The following PTPN9 variants were observed in gnomAD, a reference collection of about 807,000 sequenced individuals.
PTPN9 encodes protein tyrosine phosphatase non-receptor type 9.
A neutral mutation model predicts 69.8 loss-of-function variants in PTPN9; 26 were observed. The observed-to-expected ratio is 0.37, with a 90% CI of 0.27 to 0.52. The LOEUF is 0.52. PTPN9 is among the 20% of genes least tolerant of loss of function. The probability of loss-of-function intolerance (pLI) is 0.91; values close to 1 mark genes in which losing one functional copy is unlikely to be tolerated. For synonymous variants in PTPN9, 274 were observed against 272.5 expected, an observed-to-expected ratio of 1.01 and a Z score of -0.05; for missense variants, 549 against 740.3, an observed-to-expected ratio of 0.74 and a Z score of 3.00.
chr15:75,505,147 G>C (rs551199276), intron 7 of PTPN9, among the ~76,000 whole-genome samples: 2 of 151,424 alleles, frequency 1.3e-5, no homozygotes, highest in African/African-American at 4.9e-5. Flanking sequence ...CCTGTTGATC[G>C]GTGACCTTAC....
chr15:75,550,851 G>A lies in PTPN9; in HGVS notation c.64-23590C>T, dbSNP rs1057011320. The stretch of plus-strand genomic sequence containing the variant: ...TTTTTGTTGAGCAGGGTCTCACTGT[G>A]TTGGCCAGGCTGCTCTTGAACTAGG... On this transcript the variant is annotated intron_variant, in intron 1 of 12. Coordinates refer to ENST00000618819, the MANE Select transcript of PTPN9 (RefSeq NM_002833.4). 3.9e-5 allele frequency among the ~76,000 whole-genome samples: 6 copies of A among 152,074 alleles called. No homozygotes were observed. In the South Asian group the frequency reaches 1.0e-3, roughly 26 times the overall value.
chr15:75,530,530 TATA>T (rs1279385091), intron 1 of PTPN9, among the ~76,000 whole-genome samples: 17 of 56,432 alleles, frequency 3.0e-4, no homozygotes, highest in African/African-American at 6.7e-4. Flanking sequence ...TAATTTATTA[TATA>T]ATATTATTAT....
intron 1 of PTPN9, among the ~76,000 whole-genome samples, chr15:75,528,622 G>T (rs180925825): frequency 4.0e-4 from 61 of 151,804 alleles, no homozygotes; most frequent in African/African-American, 1.3e-3. Context: ...CTCAAACTCC[G>T]GGGCTCAAGC....
intron 1 of PTPN9, among the ~76,000 whole-genome samples, chr15:75,534,521 A>T (rs2074975024): frequency 6.6e-6 from 1 of 151,942 alleles, no homozygotes; most frequent in Non-Finnish European, 1.5e-5. Context: ...AAAAAAATTT[A>T]AAAATTAGCC....
intron 1 of PTPN9, among the ~76,000 whole-genome samples, chr15:75,537,922 G>A (rs1229578197): frequency 1.3e-5 from 2 of 151,570 alleles, no homozygotes; most frequent in East Asian, 3.9e-4. Flanking sequence ...AGCTGTGTGT[G>A]GTGGTGCCTG....
chr15:75,538,977 C>T (rs796218220), intron 1 of PTPN9, among the ~76,000 whole-genome samples: 3 of 151,456 alleles, frequency 2.0e-5, no homozygotes, highest in African/African-American at 4.8e-5. Flanking sequence ...CCAGACCAGC[C>T]TAGGCAACAA....
intron 9 of PTPN9, among the ~76,000 whole-genome samples, chr15:75,474,059 A>C (rs1370375423): frequency 6.6e-6 from 1 of 152,178 alleles, no homozygotes; most frequent in Non-Finnish European, 1.5e-5. Context: ...TCAGAACTTC[A>C]GCCATCACAT....
At chr15:75,503,284 C>G (rs1160856064) in intron 7 of PTPN9, among the ~76,000 whole-genome samples, 1 of 143,496 alleles carries the variant, frequency 7.0e-6, no homozygotes, top group South Asian at 2.4e-4. Context: ...GCCTCTGCCC[C>G]GCTGCCCCGT....
At chr15:75,578,525 C>A (rs1244655979) in intron 1 of PTPN9, among the ~76,000 whole-genome samples, 189 bp downstream of exon 1, 4 of 152,116 alleles carry the variant, frequency 2.6e-5, no homozygotes, top group Non-Finnish European at 5.9e-5. Context: ...GGAGTAGGGT[C>A]CCGTGGGTCC....
At chr15:75,530,882 ATAT>A (rs1029055267) in intron 1 of PTPN9, among the ~76,000 whole-genome samples, 28 of 116,160 alleles carry the variant, frequency 2.4e-4, no homozygotes, top group Non-Finnish European at 4.2e-4. Context: ...GATATATTAT[ATAT>A]TATTATATAT....
chr15:75,526,764 A>G (rs1180191036), intron 2 of PTPN9, among the ~76,000 whole-genome samples: 1 of 152,176 alleles, frequency 6.6e-6, no homozygotes, highest in Non-Finnish European at 1.5e-5. Flanking sequence ...AGCCTTAGAC[A>G]ACCTGAAAAC....
At chr15:75,487,242 G>A (rs765795359) in intron 8 of PTPN9, 11 of 150,842 alleles carry the variant, frequency 7.3e-5, no homozygotes, top group Non-Finnish European at 1.2e-4. Flanking sequence ...AGCCCCATAG[G>A]TGGAAATTCC....
chr15:75,496,254 G>A (rs1399946170), intron 7 of PTPN9, among the ~76,000 whole-genome samples: 1 of 150,354 alleles, frequency 6.7e-6, no homozygotes, highest in African/African-American at 2.4e-5. Context: ...TGGCCAACAT[G>A]GTGAAATCCC....
Position 75,485,426 on chromosome 15 carries a change from T to TGGC in PTPN9, c.1062+4779_1062+4781dup, listed in dbSNP as rs557979708. ...GCCCAGGCCGGACTGCGGACTGCAG[T>TGGC]GGCGCAATCTCGGCTCACTGCAAGC... is the stretch of plus-strand genomic sequence containing the variant. On this transcript the variant is annotated intron_variant, in intron 8 of 12. Coordinates refer to ENST00000618819, the MANE Select transcript of PTPN9 (RefSeq NM_002833.4). 5.7e-5 allele frequency among the ~76,000 whole-genome samples: 8 copies of TGGC among 139,562 alleles called. No individual in the cohort carries two copies. In the South Asian group the frequency reaches 1.8e-3, roughly 32 times the overall value. The allele number at this position is 139,562 out of a possible 152,430, so 91.6% of individuals were successfully genotyped here.
chr15:75,480,777 G>GC (rs2074627235), intron 8 of PTPN9: 1 of 1,117,826 alleles, frequency 8.9e-7, no homozygotes, highest in African/African-American at 1.7e-5. Flanking sequence ...GGCGAGCGCC[G>GC]CCCGCGAGGC....
intron 9 of PTPN9, among the ~76,000 whole-genome samples, chr15:75,475,224 C>G (rs1207442164): frequency 6.6e-6 from 1 of 151,766 alleles, no homozygotes; most frequent in Non-Finnish European, 1.5e-5. Context: ...GCTGAGCACT[C>G]AGGGCTGAGC....
At chr15:75,563,585 G>A (rs992714508) in intron 1 of PTPN9, among the ~76,000 whole-genome samples, 3 of 152,160 alleles carry the variant, frequency 2.0e-5, no homozygotes, top group African/African-American at 7.2e-5. Flanking sequence ...TGGCTCGGTA[G>A]TATTCCATGG....
chr15:75,572,197 T>C (rs2075151217), intron 1 of PTPN9, among the ~76,000 whole-genome samples: 1 of 152,046 alleles, frequency 6.6e-6, no homozygotes, highest in African/African-American at 2.4e-5. Flanking sequence ...CCAGGCGTGG[T>C]GGCAGGTGCC....
intron 9 of PTPN9, among the ~76,000 whole-genome samples, chr15:75,479,508 C>T (rs1052253543): frequency 5.9e-5 from 9 of 152,162 alleles, no homozygotes; most frequent in African/African-American, 1.4e-4. Flanking sequence ...TGGCCTCTCA[C>T]TAGACAGGAA....
Sources: allele counts gnomAD v4.1 joint callset (sites outside exome capture counted in the v4.1 genomes callset), GRCh38; gene constraint gnomAD v4.1.1; transcripts MANE v1.5; gene names NCBI Gene and HGNC (gene_info 2026-07-23, HGNC 2026-07-21).